The following NTM variants were observed in gnomAD, a reference collection of about 807,000 sequenced individuals.
NTM encodes IgLON family member 2.
In NTM, 13 loss-of-function variants were observed where a neutral mutation model predicts 42.1. The ratio of observed to expected loss-of-function variants is 0.31; its 90% CI spans 0.20 to 0.49. The LOEUF (loss-of-function observed/expected upper bound fraction) is 0.49. Ranked by LOEUF, NTM falls within the 20% of genes least tolerant of loss-of-function variation. NTM has a pLI of 0.99. For synonymous variants in NTM, 187 were observed against 179.2 expected, an observed-to-expected ratio of 1.04 and a Z score of -0.35; for missense variants, 373 against 452.8, an observed-to-expected ratio of 0.82 and a Z score of 1.60.
intron 2 of NTM, among the ~76,000 whole-genome samples, chr11:132,130,252 G>A (rs143684538): frequency 1.3e-5 from 2 of 152,172 alleles, no homozygotes; most frequent in Admixed American, 6.5e-5. Context: ...GTGAAGCCTC[G>A]GAAGTGGGAG....
At chr11:132,199,001 T>A (rs183339803) in intron 3 of NTM, among the ~76,000 whole-genome samples, 1 of 152,208 alleles carries the variant, frequency 6.6e-6, no homozygotes, top group South Asian at 2.1e-4. Context: ...GCAAGCATCT[T>A]GTAAGACAAG....
intron 4 of NTM, among the ~76,000 whole-genome samples, chr11:132,255,996 G>A (rs2139449487): frequency 6.6e-6 from 1 of 152,222 alleles, no homozygotes; most frequent in South Asian, 2.1e-4. Flanking sequence ...GACATACCCA[G>A]TGAACGTCCT....
intron 2 of NTM, among the ~76,000 whole-genome samples, chr11:131,935,174 T>A (rs1387673472): frequency 6.6e-6 from 1 of 152,206 alleles, no homozygotes; most frequent in East Asian, 1.9e-4. Flanking sequence ...GCTTATATTC[T>A]CGGCTACCTT....
chr11:131,817,865 T>C (rs1386514817), intron 1 of NTM, among the ~76,000 whole-genome samples: 2 of 152,250 alleles, frequency 1.3e-5, no homozygotes, highest in Non-Finnish European at 2.9e-5. Flanking sequence ...GAAAGACTTC[T>C]CATGGGAGCT....
At chr11:131,623,539 T>A (rs533953323) in intron 1 of NTM, among the ~76,000 whole-genome samples, 1 of 152,354 alleles carries the variant, frequency 6.6e-6, no homozygotes, top group East Asian at 1.9e-4. Context: ...TGCTTGCATG[T>A]TTAAATGAAA....
chr11:131,508,249 G>T (rs2047751046), intron 1 of NTM, among the ~76,000 whole-genome samples: 2 of 144,532 alleles, frequency 1.4e-5, no homozygotes, highest in African/African-American at 2.7e-5. Context: ...CTTCTCAAAA[G>T]AAGACATTTA....
intron 1 of NTM, among the ~76,000 whole-genome samples, chr11:131,876,927 T>C (rs2048618210): frequency 6.6e-6 from 1 of 152,076 alleles, no homozygotes; most frequent in Non-Finnish European, 1.5e-5. Context: ...GGTGCCATCT[T>C]GGCTCACTGC....
At chr11:132,120,415 C>T (rs1185402382) in intron 2 of NTM, among the ~76,000 whole-genome samples, 2 of 152,134 alleles carry the variant, frequency 1.3e-5, no homozygotes, top group Non-Finnish European at 2.9e-5. Flanking sequence ...GTTTAGGTCT[C>T]CCTAAAAACA....
intron 1 of NTM, among the ~76,000 whole-genome samples, chr11:131,457,464 G>A (rs539589044): frequency 6.6e-6 from 1 of 152,282 alleles, no homozygotes; most frequent in Non-Finnish European, 1.5e-5. Context: ...GGCCAGCCAC[G>A]AAGAAGCATT....
chr11:131,691,824 G>A (rs1240719919), intron 1 of NTM, among the ~76,000 whole-genome samples: 2 of 152,232 alleles, frequency 1.3e-5, no homozygotes, highest in Non-Finnish European at 2.9e-5. Context: ...CAGGTGCCAG[G>A]CGTCTTTCGT....
At chr11:132,014,971 C>G (rs1215645864) in intron 2 of NTM, among the ~76,000 whole-genome samples, 1 of 151,686 alleles carries the variant, frequency 6.6e-6, no homozygotes, top group Non-Finnish European at 1.5e-5. Flanking sequence ...TTGTCTAGAC[C>G]ACTGTCCTGG....
intron 1 of NTM, among the ~76,000 whole-genome samples, chr11:131,696,064 A>T (rs1340513204): frequency 6.6e-6 from 1 of 152,248 alleles, no homozygotes; most frequent in African/African-American, 2.4e-5. Flanking sequence ...AGTGTTGTTG[A>T]TGTGACAGAC....
chr11:131,817,409 A>T (rs1340371077), intron 1 of NTM, among the ~76,000 whole-genome samples: 1 of 152,206 alleles, frequency 6.6e-6, no homozygotes, highest in African/African-American at 2.4e-5. Context: ...AATGGATAGT[A>T]CTGACTTTTT....
chr11:131,793,050 G>T lies in NTM; in HGVS notation c.83-118514G>T, dbSNP rs112451409. On this transcript the variant is annotated intron_variant, in intron 1 of 8. Coordinates refer to ENST00000683400, the MANE Select transcript of NTM (RefSeq NM_001352005.2). ...CCATTAAAGTGAAGGCCCTGGAACC[G>T]CTCCTTAGCGAGAATCGCCAACGTA... Among the ~76,000 whole-genome samples the T allele has an allele frequency of 2.4e-4, 37 of 152,316 alleles. 1 individual carries two copies. The South Asian group carries it at 7.7e-3, about 32-fold the overall frequency.
chr11:131,595,706 G>C (rs1218685407), intron 1 of NTM, among the ~76,000 whole-genome samples: 1 of 152,254 alleles, frequency 6.6e-6, no homozygotes, highest in Non-Finnish European at 1.5e-5. Flanking sequence ...TGGGCTGACA[G>C]TGAAGGCATA....
intron 1 of NTM, among the ~76,000 whole-genome samples, chr11:131,560,235 A>G (rs1413991463): frequency 2.0e-5 from 3 of 152,164 alleles, no homozygotes; most frequent in African/African-American, 7.2e-5. Context: ...TCTTTCACGG[A>G]AGGCTAGGAG....
intron 2 of NTM, among the ~76,000 whole-genome samples, chr11:132,039,319 C>T (rs1331567736): frequency 1.3e-5 from 2 of 152,106 alleles, no homozygotes; most frequent in Non-Finnish European, 2.9e-5. Context: ...CCTGTTACTC[C>T]CTGCTTGCTT....
chr11:132,106,588 G>A (rs2062403595), intron 2 of NTM, among the ~76,000 whole-genome samples: 1 of 152,242 alleles, frequency 6.6e-6, no homozygotes, highest in African/African-American at 2.4e-5. Flanking sequence ...CACTGCTCTG[G>A]CCACTTGGCA....
chr11:131,785,590 A>T (rs896120788), intron 1 of NTM, among the ~76,000 whole-genome samples: 1 of 152,244 alleles, frequency 6.6e-6, no homozygotes, highest in African/African-American at 2.4e-5. Context: ...TACTATGAGG[A>T]TAATGAATCT....
Sources: gnomAD v4.1 joint callset for allele counts (sites outside exome capture counted in the v4.1 genomes callset) on GRCh38, gnomAD v4.1.1 for gene constraint, MANE v1.5 for transcripts, NCBI Gene and HGNC (gene_info 2026-07-23, HGNC 2026-07-21) for gene names.